Variants in MTMR7 observed in about 807,000 individuals in gnomAD.
The protein encoded by MTMR7 is phosphatidylinositol-3-phosphate phosphatase MTMR7.
Under a neutral mutation model 81.2 loss-of-function variants are expected in MTMR7, and 76 were observed. The observed-to-expected ratio is 0.94, with a 90% CI of 0.78 to 1.13. The LOEUF (loss-of-function observed/expected upper bound fraction) is 1.13. Ranked by LOEUF, MTMR7 falls within the 50% of genes most tolerant of loss-of-function variation. The pLI, the probability that MTMR7 is intolerant of heterozygous loss-of-function variation, is 0.00. For synonymous variants in MTMR7, 372 were observed against 289.8 expected, an observed-to-expected ratio of 1.28 and a Z score of -2.88; for missense variants, 1,044 against 820.0, an observed-to-expected ratio of 1.27 and a Z score of -3.34.
intron 1 of MTMR7, among the ~76,000 whole-genome samples, chr8:17,390,727 A>C (rs1821080593): frequency 1.3e-5 from 2 of 152,218 alleles, no homozygotes; most frequent in South Asian, 4.1e-4. Context: ...GGAAGCAAAC[A>C]CATCGTTCTT....
intron 9 of MTMR7, 89 bp downstream of exon 9, chr8:17,311,422 G>C: frequency 6.5e-7 from 1 of 1,549,294 alleles, no homozygotes; most frequent in East Asian, 2.3e-5. Flanking sequence ...ATGCTGGCAA[G>C]AAAACAGCAG....
At chr8:17,402,287 AT>A (rs1232865864) in intron 1 of MTMR7, among the ~76,000 whole-genome samples, 1 of 152,088 alleles carries the variant, frequency 6.6e-6, no homozygotes, top group Non-Finnish European at 1.5e-5. Flanking sequence ...CTAAATTATT[AT>A]TATTTATTAA....
intron 13 of MTMR7, 87 bp from the exon 14 acceptor site, chr8:17,300,311 C>T (rs1817032535): frequency 7.4e-7 from 1 of 1,347,624 alleles, no homozygotes; most frequent in Admixed American, 2.5e-5. Flanking sequence ...TTGTTACCTC[C>T]CACGTGGGTA....
chr8:17,411,479 G>C (rs1168568523), intron 1 of MTMR7, among the ~76,000 whole-genome samples: 1 of 152,124 alleles, frequency 6.6e-6, no homozygotes, highest in Non-Finnish European at 1.5e-5. Context: ...ACAGAGCCTG[G>C]CACATGAAAG....
intron 1 of MTMR7, among the ~76,000 whole-genome samples, chr8:17,398,355 T>A (rs1447423954): frequency 6.6e-6 from 1 of 152,094 alleles, no homozygotes; most frequent in African/African-American, 2.4e-5. Flanking sequence ...TAGATTCAAA[T>A]AATTAAAAAG....
intron 1 of MTMR7, among the ~76,000 whole-genome samples, chr8:17,408,644 G>A (rs1331923724): frequency 6.6e-6 from 1 of 152,090 alleles, no homozygotes; most frequent in Non-Finnish European, 1.5e-5. Context: ...CAGAAAGCAA[G>A]CTGATTAAAT....
At position 17,300,215 on chromosome 8, in the gene MTMR7, T is replaced by C. The variant is rs148830623; in HGVS notation, c.1630A>G (p.Lys544Glu). 52 of 1,601,714 alleles carry C rather than the reference T, an allele frequency of 3.2e-5. No homozygotes were observed. The highest frequency in any genetic ancestry group is 3.3e-4 in the Middle Eastern group (2 of 5,982). The change falls in exon 14 of 14, where the codon AAA becomes GAA. Residue 544 changes from lysine (K) to glutamate (E), a missense_variant. Coordinates refer to ENST00000180173, the MANE Select transcript of MTMR7 (RefSeq NM_004686.5). Reference protein sequence around the residue: ...ELEALEERLEKIQKVQLNCTK... With the variant: ...ELEALEERLEEIQKVQLNCTK... ...CAATTTAACTGGACCTTTTGAATTT[T>C]TTCCAGCCTCTAAGAAAGAAATAAC...
rs190035964 is a variant in MTMR7 at position 17,297,276 on chromosome 8, A to G, written c.*2586T>C. 11 of 152,270 alleles carry G rather than the reference A, an allele frequency of 7.2e-5. No individual in the cohort carries two copies. In the East Asian group the frequency reaches 1.2e-3, roughly 16 times the overall value. The allele number at this position is 152,270 out of a possible 1,614,324, so 9.4% of individuals were successfully genotyped here. A position where few individuals can be genotyped will look rare whatever the true frequency, so the allele number is the denominator to read the frequency against. ...TAAAATAGAAGAAAATTCTAAATCA[A>G]TCAATCAGTGAGATATAAACTAAAC... On this transcript the variant is annotated 3_prime_UTR_variant, in exon 14 of 14. Transcript: ENST00000180173.
intron 7 of MTMR7, among the ~76,000 whole-genome samples, chr8:17,316,906 G>GATT (rs1818116082): frequency 6.6e-6 from 1 of 152,090 alleles, no homozygotes; most frequent in Non-Finnish European, 1.5e-5. Context: ...GGATACTGAG[G>GATT]GATGACTCTA....
intron 1 of MTMR7, among the ~76,000 whole-genome samples, chr8:17,393,757 T>C (rs771472275): frequency 3.7e-4 from 57 of 152,252 alleles, no homozygotes; most frequent in African/African-American, 1.1e-3. Context: ...CTGGACTTCA[T>C]ACCTAGATGA....
At chr8:17,342,677 T>C (rs1214511270) in intron 5 of MTMR7, among the ~76,000 whole-genome samples, 1 of 151,976 alleles carries the variant, frequency 6.6e-6, no homozygotes. Flanking sequence ...ACAGGGGCCA[T>C]TGTCTGAGGG....
At chr8:17,407,127 C>T (rs1821609367) in intron 1 of MTMR7, among the ~76,000 whole-genome samples, 1 of 151,968 alleles carries the variant, frequency 6.6e-6, no homozygotes, top group Non-Finnish European at 1.5e-5. Context: ...AATTATACTT[C>T]AATAAAGCTA....
chr8:17,356,204 T>C (rs1404701809), intron 4 of MTMR7, among the ~76,000 whole-genome samples: 2 of 152,182 alleles, frequency 1.3e-5, no homozygotes, highest in African/African-American at 4.8e-5. Flanking sequence ...CAATATATTT[T>C]AGCAATTTTT....
At chr8:17,367,135 G>T (rs570536534) in intron 3 of MTMR7, among the ~76,000 whole-genome samples, 1 of 152,046 alleles carries the variant, frequency 6.6e-6, no homozygotes, top group African/African-American at 2.4e-5. Context: ...ACTTATATAA[G>T]GAATATAAAA....
chr8:17,381,611 G>T (rs920423408), intron 1 of MTMR7, among the ~76,000 whole-genome samples: 1 of 152,150 alleles, frequency 6.6e-6, no homozygotes, highest in Non-Finnish European at 1.5e-5. Flanking sequence ...AGTGGCACTG[G>T]CTACCGGCTT....
intron 1 of MTMR7, among the ~76,000 whole-genome samples, chr8:17,378,057 A>G (rs1435690902): frequency 6.6e-6 from 1 of 152,190 alleles, no homozygotes; most frequent in East Asian, 1.9e-4. Flanking sequence ...TCAGTGGAGC[A>G]GAATAAGGTA....
chr8:17,372,247 G>A (rs1369799774), intron 2 of MTMR7, among the ~76,000 whole-genome samples: 1 of 152,074 alleles, frequency 6.6e-6, no homozygotes, highest in Non-Finnish European at 1.5e-5. Flanking sequence ...ATACAGCAAA[G>A]GGAAATCTAC....
intron 10 of MTMR7, 64 bp downstream of exon 10, chr8:17,309,213 A>T: frequency 1.8e-6 from 2 of 1,110,940 alleles, no homozygotes; most frequent in Non-Finnish European, 2.7e-6. Context: ...TAAATATTCA[A>T]TTGAAATTTT....
At chr8:17,407,233 A>G (rs1406465502) in intron 1 of MTMR7, among the ~76,000 whole-genome samples, 1 of 152,118 alleles carries the variant, frequency 6.6e-6, no homozygotes, top group African/African-American at 2.4e-5. Flanking sequence ...AATGGTCAGT[A>G]AACATATTTT....
Sources: gnomAD v4.1 joint callset for allele counts (sites outside exome capture counted in the v4.1 genomes callset) on GRCh38, gnomAD v4.1.1 for gene constraint, MANE v1.5 for transcripts, NCBI Gene and HGNC (gene_info 2026-07-23, HGNC 2026-07-21) for gene names.